The following MGAT5 variants were observed in gnomAD, a reference collection of about 807,000 sequenced individuals.
MGAT5 encodes alpha-1,6-mannosylglycoprotein 6-beta-N-acetylglucosaminyltransferase, also known as alpha-1,6-mannosylglycoprotein 6-beta-N-acetylglucosaminyltransferase A.
MGAT5 carries 30 observed loss-of-function variants against 94.3 expected under a neutral mutation model. The ratio of observed to expected loss-of-function variants is 0.32; its 90% CI spans 0.24 to 0.43. The LOEUF (loss-of-function observed/expected upper bound fraction) is 0.43, where lower values mean the gene tolerates loss of function less well. Among genes scored for constraint, MGAT5 ranks in the 20% least tolerant of loss-of-function variants. The pLI is 1.00. For synonymous variants in MGAT5, 310 were observed against 322.9 expected (o/e 0.96, Z 0.43); for missense variants, 691 against 905.5 (o/e 0.76, Z 3.04).
intron 2 of MGAT5, among the ~76,000 whole-genome samples, chr2:134,298,098 C>T (rs1202842381): frequency 6.6e-6 from 1 of 151,930 alleles, no homozygotes; most frequent in Non-Finnish European, 1.5e-5. Flanking sequence ...AATATTATCT[C>T]TGTATTATTA....
At chr2:134,239,063 A>G (rs1156898025) in intron 1 of MGAT5, among the ~76,000 whole-genome samples, 2 of 152,138 alleles carry the variant, frequency 1.3e-5, no homozygotes, top group African/African-American at 2.4e-5. Flanking sequence ...CAGTGGCGCC[A>G]TCTCACCTCA....
chr2:134,285,534 T>C lies in MGAT5; in HGVS notation c.406+14984T>C, dbSNP rs576385339. ...CCTTTTTAAGTTTAGTATTTATTTC[T>C]GTCAAATTAGTACATGTATATAATT... is the stretch of plus-strand genomic sequence containing the variant. On this transcript the variant is annotated intron_variant, in intron 2 of 15. Coordinates refer to ENST00000281923, the MANE Select transcript of MGAT5 (RefSeq NM_002410.5). 2.4e-4 allele frequency among the ~76,000 whole-genome samples: 36 copies of C among 152,326 alleles called. 1 individual carries two copies. In the South Asian group the frequency reaches 6.4e-3, roughly 27 times the overall value.
chr2:134,302,629 T>C (rs1279296755), intron 2 of MGAT5, among the ~76,000 whole-genome samples: 4 of 151,840 alleles, frequency 2.6e-5, no homozygotes, highest in African/African-American at 9.7e-5. Flanking sequence ...TTAAAAAGGC[T>C]TTTTTTGGTA....
chr2:134,275,986 A>G (rs917365274), intron 2 of MGAT5, among the ~76,000 whole-genome samples: 1 of 152,146 alleles, frequency 6.6e-6, no homozygotes, highest in African/African-American at 2.4e-5. Flanking sequence ...CCAAATGTCA[A>G]TTGTGGCAGG....
Position 134,336,250 on chromosome 2 carries a change from G to C in MGAT5, c.607G>C (p.Ala203Pro). The change falls in exon 5 of 16, where the codon GCA becomes CCA. Residue 203 changes from alanine (A) to proline (P), a missense_variant. Ala to Pro is a conservative substitution (Grantham distance 27). Around this residue, in one of 4 missense-constraint regions of MGAT5, gnomAD observed 307 missense variants for 335.4 expected, o/e 0.92. Transcript: ENST00000281923. ...TTGGTGTCCTCATTTACCTTGGAGA[G>C]CAAAAAATCCCTACGAAGAAGCTGA... is the stretch of plus-strand genomic sequence containing the variant. ...ENWCPHLPWR[A>P]KNPYEEADHN... is the part of the protein sequence containing the mutation. The C allele has an allele frequency of 6.2e-7, 1 of 1,612,594 alleles. No homozygotes were observed. The highest frequency in any genetic ancestry group is 8.5e-7 in the Non-Finnish European group (1 of 1,179,276).
chr2:134,446,185 C>T (rs1294519818), intron 15 of MGAT5, among the ~76,000 whole-genome samples: 1 of 152,068 alleles, frequency 6.6e-6, no homozygotes, highest in Non-Finnish European at 1.5e-5. Context: ...CCCAGGCAGG[C>T]TTCTGCTGCT....
chr2:134,196,494 C>T lies in MGAT5; in HGVS notation c.-142-57768C>T, dbSNP rs375751593. ...TTCTATTTAATGTAGGATTCATTTTCAAAGCAAAGTGATCATTTAAAAATA... is the reference window on the plus strand; with the variant it reads ...TTCTATTTAATGTAGGATTCATTTTTAAAGCAAAGTGATCATTTAAAAATA... On this transcript the variant is annotated intron_variant, in intron 1 of 16. Transcript: ENST00000409645. Among the ~76,000 whole-genome samples the T allele has an allele frequency of 1.4e-4, 22 of 151,816 alleles. 1 individual carries two copies. Among genetic ancestry groups the T allele is most frequent in the African/African-American group, 5.3e-4 (22 of 41,380 alleles).
chr2:134,216,323 C>T (rs544576024), intron 1 of MGAT5, among the ~76,000 whole-genome samples: 49 of 140,080 alleles, frequency 3.5e-4, no homozygotes, highest in Non-Finnish European at 6.5e-4. Context: ...TTCATGTTGT[C>T]GTCCTATGAG....
chr2:134,429,481 A>G (rs1684768469), intron 14 of MGAT5, among the ~76,000 whole-genome samples: 1 of 152,174 alleles, frequency 6.6e-6, no homozygotes, highest in South Asian at 2.1e-4. Flanking sequence ...TGACTTGGGC[A>G]TGTTACTTGG....
intron 12 of MGAT5, among the ~76,000 whole-genome samples, chr2:134,421,185 A>G (rs7588521): frequency 0.32 from 48,848 of 152,138 alleles, 9,683 homozygotes; most frequent in African/African-American, 0.55. Context: ...TTCTGAAATG[A>G]TGACAGCTCA....
At chr2:134,402,870 C>A in intron 10 of MGAT5, 118 bp from the exon 11 acceptor site, 1 of 1,001,522 alleles carries the variant, frequency 1.0e-6, no homozygotes, top group East Asian at 2.8e-5. Flanking sequence ...TTCCTGTGAT[C>A]TCCATATTAA....
chr2:134,249,127 T>C (rs1682444623), upstream of MGAT5, among the ~76,000 whole-genome samples: 1 of 152,156 alleles, frequency 6.6e-6, no homozygotes, highest in African/African-American at 2.4e-5. Flanking sequence ...GCCCTGGTCT[T>C]GGCTGTGCTA....
intron 1 of MGAT5, among the ~76,000 whole-genome samples, chr2:134,125,149 GA>G (rs1301748347): frequency 1.3e-5 from 2 of 152,100 alleles, no homozygotes; most frequent in South Asian, 2.1e-4. Flanking sequence ...TGATGGCGAT[GA>G]AAAAAATCCA....
At chr2:134,290,960 A>C (rs10207197) in intron 2 of MGAT5, among the ~76,000 whole-genome samples, 1 of 151,996 alleles carries the variant, frequency 6.6e-6, no homozygotes, top group Non-Finnish European at 1.5e-5. Flanking sequence ...CAGAAACGTA[A>C]TGCAAAACAA....
At chr2:134,398,887 AG>A (rs1682869735) in intron 10 of MGAT5, among the ~76,000 whole-genome samples, 1 of 152,250 alleles carries the variant, frequency 6.6e-6, no homozygotes, top group Non-Finnish European at 1.5e-5. Context: ...GGTAGAAAGT[AG>A]AATGACAGAT....
chr2:134,172,585 A>G (rs1439023990), intron 1 of MGAT5, among the ~76,000 whole-genome samples: 1 of 151,986 alleles, frequency 6.6e-6, no homozygotes, highest in African/African-American at 2.4e-5. Flanking sequence ...ACGGGTTTTC[A>G]CCGTGTTAGC....
intron 1 of MGAT5, among the ~76,000 whole-genome samples, chr2:134,128,990 C>T (rs1449070552): frequency 6.6e-6 from 1 of 152,178 alleles, no homozygotes; most frequent in African/African-American, 2.4e-5. Context: ...TCCTCACTGT[C>T]AGTCTCTAAT....
chr2:134,215,570 C>T (rs1180198056), intron 1 of MGAT5, among the ~76,000 whole-genome samples: 1 of 152,162 alleles, frequency 6.6e-6, no homozygotes, highest in Non-Finnish European at 1.5e-5. Flanking sequence ...TATCCATTCT[C>T]AAGAGATTGA....
At chr2:134,288,538 C>A (rs1036811464) in intron 2 of MGAT5, among the ~76,000 whole-genome samples, 7 of 152,020 alleles carry the variant, frequency 4.6e-5, no homozygotes, top group African/African-American at 1.5e-4. Flanking sequence ...AAAATTCAAC[C>A]CCTGAAGTAG....
Sources: gnomAD v4.1 joint callset for allele counts (sites outside exome capture counted in the v4.1 genomes callset) on GRCh38, gnomAD v4.1.1 for gene constraint, gnomAD v4.1.1 regional missense constraint, MANE v1.5 for transcripts, NCBI Gene and HGNC (gene_info 2026-07-23, HGNC 2026-07-21) for gene names.